The following FAM167A variants were observed in gnomAD, a reference collection of about 807,000 sequenced individuals.
FAM167A encodes the protein family with sequence similarity 167 member A, also known as protein FAM167A.
FAM167A carries 23 observed loss-of-function variants against 14.9 expected under a neutral mutation model. That is an observed-to-expected ratio of 1.55 (90% CI 1.11 to 2.19). The LOEUF (loss-of-function observed/expected upper bound fraction) is 2.19, where lower values mean the gene tolerates loss of function less well. Among genes scored for constraint, FAM167A ranks in the 30% most tolerant of loss-of-function variants. The pLI, the probability that FAM167A is intolerant of heterozygous loss-of-function variation, is 0.00. For synonymous variants in FAM167A, 174 were observed against 117.7 expected (o/e 1.48, Z -3.10); for missense variants, 401 against 281.5 (o/e 1.42, Z -3.04).
At chr8:11,465,062 G>C (rs1807703100) in intron 1 of FAM167A, among the ~76,000 whole-genome samples, 1 of 152,160 alleles carries the variant, frequency 6.6e-6, no homozygotes, top group African/African-American at 2.4e-5. Flanking sequence ...GGGTGTGGGG[G>C]AGCAACCCTT....
At chr8:11,439,743 T>C (rs1457374231) in intron 2 of FAM167A, among the ~76,000 whole-genome samples, 1 of 152,226 alleles carries the variant, frequency 6.6e-6, no homozygotes, top group Non-Finnish European at 1.5e-5. Flanking sequence ...GTTTTGGTTT[T>C]CATCCTGGCA....
chr8:11,439,095 G>A (rs1280906929), intron 2 of FAM167A, among the ~76,000 whole-genome samples: 1 of 152,238 alleles, frequency 6.6e-6, no homozygotes. Flanking sequence ...ACCAAGTGAT[G>A]TGTGTCTGTG....
At chr8:11,459,730 T>C (rs1563390010) in intron 1 of FAM167A, among the ~76,000 whole-genome samples, 1 of 152,216 alleles carries the variant, frequency 6.6e-6, no homozygotes. Flanking sequence ...TTTTCTTTTT[T>C]TGAGACAGAG....
rs143337659 is a variant in FAM167A, at chr8:11,432,979, C to G, written c.382-8343G>C. Among the ~76,000 whole-genome samples, 304 of 152,212 alleles carry G rather than the reference C, an allele frequency of 2.0e-3. 2 individuals are homozygous for G. The highest frequency in any genetic ancestry group is 7.2e-3 in the African/African-American group (298 of 41,522). On this transcript the variant is annotated intron_variant, in intron 2 of 2. Transcript: ENST00000284486. ...CAACACAGAAACAGAAAACCAAACA[C>G]GGCATGTTCTTACTCATAAGTAGGA...
chr8:11,424,180 G>T lies in FAM167A; in HGVS notation c.*193C>A. ...GGGTAGTAAGCAAGAGCCAGTCACA[G>T]AGACACTGGCATCCACACCCAGGGC... On this transcript the variant is annotated 3_prime_UTR_variant, in exon 3 of 3. Coordinates refer to ENST00000284486, the MANE Select transcript of FAM167A (RefSeq NM_053279.3). The T allele has an allele frequency of 1.5e-6, 1 of 646,530 alleles. No individual in the cohort carries two copies. The highest frequency in any genetic ancestry group is 2.6e-6 in the Non-Finnish European group (1 of 382,522). The allele number at this position is 646,530 out of a possible 1,614,324, so 40.0% of individuals were successfully genotyped here. A position where few individuals can be genotyped will look rare whatever the true frequency, so the allele number is the denominator to read the frequency against.
chr8:11,426,366 C>G (rs1401289170), intron 2 of FAM167A, among the ~76,000 whole-genome samples: 1 of 152,186 alleles, frequency 6.6e-6, no homozygotes, highest in African/African-American at 2.4e-5. Flanking sequence ...CTCAGGACCT[C>G]ATGAGACTGT....
Position 11,448,743 on chromosome 8 carries a change from C to T in FAM167A, c.-397-3935G>A, listed in dbSNP as rs370634716. Reference sequence around the variant, plus strand: ...CTCTCTGCTCACATTGTGAATGCCCCGCCCACGGCTCGGGGTGTTGGAGAG... The same window carrying T: ...CTCTCTGCTCACATTGTGAATGCCCTGCCCACGGCTCGGGGTGTTGGAGAG... On this transcript the variant is annotated intron_variant, in intron 1 of 2. Transcript: ENST00000284486. Among the ~76,000 whole-genome samples, 51 of 152,348 alleles carry T rather than the reference C, an allele frequency of 3.3e-4. 3 individuals carry two copies. The East Asian group carries it at 7.1e-3, about 21-fold the overall frequency.
intron 1 of FAM167A, among the ~76,000 whole-genome samples, chr8:11,459,164 C>A (rs550243789): frequency 6.6e-6 from 1 of 152,190 alleles, no homozygotes; most frequent in East Asian, 1.9e-4. Context: ...TTTTATTGTG[C>A]CAGGCACTGT....
chr8:11,461,752 T>C (rs1327214553), intron 1 of FAM167A, among the ~76,000 whole-genome samples: 1 of 152,184 alleles, frequency 6.6e-6, no homozygotes, highest in Non-Finnish European at 1.5e-5. Context: ...ATAGGCAGAA[T>C]CAACAAACGC....
upstream of FAM167A, among the ~76,000 whole-genome samples, chr8:11,470,344 C>T (rs760965015): frequency 6.6e-6 from 1 of 152,068 alleles, no homozygotes; most frequent in Non-Finnish European, 1.5e-5. Flanking sequence ...AGGGTCAGTG[C>T]AGAGGCCCTG....
intron 2 of FAM167A, among the ~76,000 whole-genome samples, chr8:11,430,137 C>T (rs1428783833): frequency 6.6e-6 from 1 of 152,194 alleles, no homozygotes; most frequent in East Asian, 1.9e-4. Flanking sequence ...ATTTCCAGTC[C>T]CCGCTCCCAG....
intron 2 of FAM167A, among the ~76,000 whole-genome samples, chr8:11,425,884 A>G (rs2116982212): frequency 6.6e-6 from 1 of 152,296 alleles, no homozygotes; most frequent in African/African-American, 2.4e-5. Flanking sequence ...CTGCAAAACC[A>G]TCTCTTGTGG....
At chr8:11,430,775 G>A (rs1160316705) in intron 2 of FAM167A, among the ~76,000 whole-genome samples, 1 of 152,160 alleles carries the variant, frequency 6.6e-6, no homozygotes, top group Non-Finnish European at 1.5e-5. Flanking sequence ...GGCTGGAGGA[G>A]ACGGCCAAGG....
At chr8:11,437,492 T>A (rs1806106542) in intron 2 of FAM167A, among the ~76,000 whole-genome samples, 1 of 152,258 alleles carries the variant, frequency 6.6e-6, no homozygotes, top group African/African-American at 2.4e-5. Context: ...TTGGTTTACC[T>A]AAAGGCACAC....
At chr8:11,429,388 C>T (rs1254503372) in intron 2 of FAM167A, among the ~76,000 whole-genome samples, 2 of 152,172 alleles carry the variant, frequency 1.3e-5, no homozygotes, top group Non-Finnish European at 2.9e-5. Context: ...CAGAGGGCTG[C>T]GCCAGTTCAG....
intron 1 of FAM167A, among the ~76,000 whole-genome samples, chr8:11,457,823 C>T (rs1807393486): frequency 1.3e-5 from 2 of 152,348 alleles, no homozygotes; most frequent in East Asian, 1.9e-4. Flanking sequence ...CCACCTTTCT[C>T]TGAATTCTCC....
intron 2 of FAM167A, among the ~76,000 whole-genome samples, chr8:11,425,213 T>G (rs567328087): frequency 6.6e-6 from 1 of 152,288 alleles, no homozygotes; most frequent in Admixed American, 6.5e-5. Flanking sequence ...TATGAAACAG[T>G]TCTAAGGCCT....
At chr8:11,459,192 C>T (rs1807444854) in intron 1 of FAM167A, among the ~76,000 whole-genome samples, 1 of 151,938 alleles carries the variant, frequency 6.6e-6, no homozygotes, top group African/African-American at 2.4e-5. Flanking sequence ...CTAGTTTAGC[C>T]CTTGAAATGA....
Position 11,421,548 on chromosome 8 carries a change from A to G in FAM167A, c.*2825T>C. 2.5e-6 allele frequency: 1 copy of G among 396,080 alleles called. No homozygotes were observed. The highest frequency in any genetic ancestry group is 4.4e-6 in the Non-Finnish European group (1 of 224,804). 24.5% of individuals were successfully genotyped at this position (396,080 alleles called of 1,614,324 possible). A position where few individuals can be genotyped will look rare whatever the true frequency, so the allele number is the denominator to read the frequency against. On this transcript the variant is annotated 3_prime_UTR_variant, in exon 3 of 3. Transcript: ENST00000284486. Reference sequence around the variant, plus strand: ...TTTTCTAACAGCAATATAGAAACAAATAATCATAAAAAATAAAAGTATAAA... The same window carrying G: ...TTTTCTAACAGCAATATAGAAACAAGTAATCATAAAAAATAAAAGTATAAA...
Sources: allele counts gnomAD v4.1 joint callset (sites outside exome capture counted in the v4.1 genomes callset), GRCh38; gene constraint gnomAD v4.1.1; transcripts MANE v1.5; gene names NCBI Gene and HGNC (gene_info 2026-07-23, HGNC 2026-07-21).